The following MLLT6 variants were observed in gnomAD, a reference collection of about 807,000 sequenced individuals.
The protein encoded by MLLT6 is protein AF-17.
In MLLT6, 22 loss-of-function variants were observed where a neutral mutation model predicts 103.0. The observed-to-expected ratio is 0.21, with a 90% CI of 0.15 to 0.31. The LOEUF is 0.31. MLLT6 is among the 10% of genes least tolerant of loss of function. The pLI, the probability that MLLT6 is intolerant of heterozygous loss-of-function variation, is 1.00. For missense variants in MLLT6, 1,199 were observed against 1,441.7 expected (o/e 0.83, Z 2.73); for synonymous variants, 606 against 623.5 (o/e 0.97, Z 0.42).
At chr17:38,725,205 A>C in intron 19 of MLLT6, 1 of 530,952 alleles carries the variant, frequency 1.9e-6, no homozygotes. Context: ...ACCAATTAGA[A>C]AACAGCCTTC....
rs1904879749 is a variant in MLLT6, at chr17:38,705,759, G to A, written c.109+18G>A. 3.9e-6 allele frequency: 5 copies of A among 1,290,688 alleles called. No individual in the cohort carries two copies. The East Asian group carries it at 1.4e-4, about 37-fold the overall frequency. 80.0% of individuals were successfully genotyped at this position (1,290,688 alleles called of 1,614,324 possible). On this transcript the variant is annotated intron_variant, in intron 1 of 19. Coordinates refer to ENST00000621332, the MANE Select transcript of MLLT6 (RefSeq NM_005937.4). ...CCACCAAGGTACGGGGGTGGCCCGC[G>A]GGGGGCGGCGGGACCCCGGGGGCGG...
At chr17:38,712,118 G>A (rs1377801963) in intron 7 of MLLT6, 104 bp downstream of exon 7, 14 of 1,381,048 alleles carry the variant, frequency 1.0e-5, no homozygotes, top group Non-Finnish European at 1.2e-5. Context: ...TCTTGGCCCT[G>A]CCTTCTTCCT....
intron 12 of MLLT6, chr17:38,718,180 GCCTGGCCAA>G (rs1450762059): frequency 4.7e-6 from 2 of 428,804 alleles, no homozygotes; most frequent in Non-Finnish European, 8.2e-6. Context: ...TTTGAGACCA[GCCTGGCCAA>G]CATGGTGAAA....
chr17:38,712,291 C>A (rs1027380247), intron 7 of MLLT6, among the ~76,000 whole-genome samples: 1 of 152,196 alleles, frequency 6.6e-6, no homozygotes, highest in East Asian at 1.9e-4. Flanking sequence ...ACGTTGCACA[C>A]GTCTCCGCAG....
In MLLT6 at chr17:38,719,885, C is replaced by T. The variant is rs767863529; in HGVS notation, c.2145C>T (p.Ala715=). 36 of 1,583,130 alleles carry T rather than the reference C, an allele frequency of 2.3e-5. No homozygotes were observed. The highest frequency in any genetic ancestry group is 2.9e-5 in the Non-Finnish European group (34 of 1,165,522). Residue 715 remains alanine, a synonymous_variant, in exon 14 of 20, where the codon GCC becomes GCT. Transcript: ENST00000621332. ...QLLEKQGDGE[A]GVNIVEMLKA... Reference sequence around the variant, plus strand: ...TGGAGAAGCAGGGCGACGGGGAGGCCGGCGTCAACAGTGAGGAGGGGTGGC... The same window carrying T: ...TGGAGAAGCAGGGCGACGGGGAGGCTGGCGTCAACAGTGAGGAGGGGTGGC...
chr17:38,719,626 G>A (rs765639136), intron 13 of MLLT6, 43 bp downstream of exon 13: 7 of 1,577,648 alleles, frequency 4.4e-6, no homozygotes, highest in Non-Finnish European at 6.0e-6. Flanking sequence ...GGGGCAGGAG[G>A]GACACCCGAG....
In MLLT6 at chr17:38,728,187, C is replaced by G. The variant is rs1020992780; in HGVS notation, c.*2589C>G. The G allele has an allele frequency of 2.1e-5, 5 of 233,254 alleles. No individual in the cohort carries two copies. Among genetic ancestry groups the G allele is most frequent in the African/African-American group, 4.4e-5 (2 of 45,358 alleles). 14.4% of individuals were successfully genotyped at this position (233,254 alleles called of 1,614,324 possible). A position where few individuals can be genotyped will look rare whatever the true frequency, so the allele number is the denominator to read the frequency against. The stretch of plus-strand genomic sequence containing the variant: ...GCAGCCCTCTTCTCCTCTTCCCCCC[C>G]ACATCTCTCATGAGAGAGGTAGTGG... On this transcript the variant is annotated 3_prime_UTR_variant, in exon 20 of 20. Transcript: ENST00000621332.
chr17:38,715,222 TCTC>T (rs1390117495), intron 8 of MLLT6: 13 of 174,486 alleles, frequency 7.5e-5, no homozygotes, highest in African/African-American at 3.1e-4. Context: ...TGGGTCCTCT[TCTC>T]TGCCTCGCCA....
rs1337638488 is a variant in MLLT6 at position 38,719,913 on chromosome 17, C to T, written c.2155+18C>T. 3 of 1,554,812 alleles carry T rather than the reference C, an allele frequency of 1.9e-6. No homozygotes were observed. The highest frequency in any genetic ancestry group is 1.9e-5 in the Admixed American group (1 of 51,418). On this transcript the variant is annotated intron_variant, in intron 14 of 19. Transcript: ENST00000621332. Reference sequence around the variant, plus strand: ...CGTCAACAGTGAGGAGGGGTGGCGCCGGTCGGGACGCCTGCCCTAGGGCCC... The same window carrying T: ...CGTCAACAGTGAGGAGGGGTGGCGCTGGTCGGGACGCCTGCCCTAGGGCCC...
chr17:38,707,104 C>T, intron 2 of MLLT6, 75 bp downstream of exon 2: 1 of 1,322,990 alleles, frequency 7.6e-7, no homozygotes, highest in Admixed American at 2.0e-5. Context: ...AGCTAGGGGA[C>T]TCTGAGGCCG....
Position 38,726,678 on chromosome 17 carries a change from G to A in MLLT6, c.*1080G>A, listed in dbSNP as rs1422785993. ...CCACATGGTCTCAGGGCCCCCTTAG[G>A]GCCCCCTACCCCACTGATAGCTTCC... is the stretch of plus-strand genomic sequence containing the variant. On this transcript the variant is annotated 3_prime_UTR_variant, in exon 20 of 20. Coordinates refer to ENST00000621332, the MANE Select transcript of MLLT6 (RefSeq NM_005937.4). 4.3e-6 allele frequency: 1 copy of A among 233,458 alleles called. No homozygotes were observed. The highest frequency in any genetic ancestry group is 6.0e-5 in the East Asian group (1 of 16,592). The allele number at this position is 233,458 out of a possible 1,614,324, so 14.5% of individuals were successfully genotyped here.
At chr17:38,719,606 G>T in intron 13 of MLLT6, 23 bp downstream of exon 13, 1 of 1,592,292 alleles carries the variant, frequency 6.3e-7, no homozygotes. Flanking sequence ...GCAGCCTGGA[G>T]GAGGGGCTGG....
Position 38,724,923 on chromosome 17 carries a change from C to G in MLLT6, c.3187C>G (p.Pro1063Ala). The G allele has an allele frequency of 6.4e-7, 1 of 1,552,226 alleles. No individual in the cohort carries two copies. Among genetic ancestry groups the G allele is most frequent in the South Asian group, 1.2e-5 (1 of 84,244 alleles). Reference protein sequence around the residue: ...GPPVLTAQTNPFLSLSGAEGS... With the variant: ...GPPVLTAQTNAFLSLSGAEGS... ...TCCAGTCCTCACTGCCCAGACCAAC[C>G]CCTTCCTCAGCCTGTCGGGAGCAGA... Residue 1063 changes from proline to alanine, a missense_variant, in exon 19 of 20, where the codon CCC becomes GCC. Transcript: ENST00000621332. This position sits in a 1 kb window ranked among gnomAD's most constrained non-coding sequence, Gnocchi z 5.4.
chr17:38,708,835 T>A (rs575392449), intron 4 of MLLT6, among the ~76,000 whole-genome samples: 2 of 152,050 alleles, frequency 1.3e-5, no homozygotes, highest in African/African-American at 4.8e-5. Flanking sequence ...GCGGAGGAGG[T>A]TGCAGTGAGC....
In MLLT6 at chr17:38,720,500, C is replaced by A. The variant is rs1555623448; in HGVS notation, c.2284C>A (p.Pro762Thr). Residue 762 changes from proline (P) to threonine (T), a missense_variant, in exon 15 of 20, where the codon CCT becomes ACT. Pro to Thr is a conservative substitution (Grantham distance 38, BLOSUM62 -1). Around this residue, in one of 7 missense-constraint regions of MLLT6, gnomAD observed 1,034 missense variants for 1,091.5 expected, o/e 0.95. Coordinates refer to ENST00000621332, the MANE Select transcript of MLLT6 (RefSeq NM_005937.4). ...CAACGTGCAGCTCTCTGTGCCCTTC[C>A]CTGCCCTGCCTGCTGCCCTGCCTGC... ...ILNVQLSVPFPALPAALPAAN... is the reference protein window; with the variant it reads ...ILNVQLSVPFTALPAALPAAN... The A allele has an allele frequency of 6.2e-7, 1 of 1,612,590 alleles. No homozygotes were observed. Among genetic ancestry groups the A allele is most frequent in the Admixed American group, 1.7e-5 (1 of 59,958 alleles).
In MLLT6 at chr17:38,721,963, G is replaced by C; in HGVS notation, c.2528G>C (p.Ser843Thr). 6.6e-7 allele frequency: 1 copy of C among 1,512,796 alleles called. No homozygotes were observed. Among genetic ancestry groups the C allele is most frequent in the Non-Finnish European group, 8.8e-7 (1 of 1,134,286 alleles). The allele number at this position is 1,512,796 out of a possible 1,614,324, so 93.7% of individuals were successfully genotyped here. ...CCACCGCTGCCCCTCCTCCAGCAGA[G>C]CCCTGCCACTCTGCCCCTGGCCCTG... ...TPPPLPLLQQ[S>T]PATLPLALPG... is the part of the protein sequence containing the mutation. Residue 843 changes from serine to threonine, a missense_variant, in exon 17 of 20, where the codon AGC becomes ACC. By Grantham distance (58) the Ser-to-Thr change is moderately conservative. Coordinates refer to ENST00000621332, the MANE Select transcript of MLLT6 (RefSeq NM_005937.4).
intron 8 of MLLT6, chr17:38,713,986 G>A (rs546473067): frequency 3.9e-5 from 6 of 152,368 alleles, no homozygotes; most frequent in African/African-American, 1.4e-4. Context: ...ACGATTAACT[G>A]AATACCTGGT....
rs377617058 is a variant in MLLT6 at position 38,712,720 on chromosome 17, G to A, written c.750G>A (p.Gln250=). ...GAAAGGACAAAGAACGCCTTAAGCA[G>A]AAGCACAAGAAGCGGCCTGAGTCGC... is the stretch of plus-strand genomic sequence containing the variant. ...KSRKDKERLK[Q]KHKKRPESPP... Residue 250 remains glutamine, a synonymous_variant, in exon 8 of 20, where the codon CAG becomes CAA. Coordinates refer to ENST00000621332, the MANE Select transcript of MLLT6 (RefSeq NM_005937.4). The A allele has an allele frequency of 1.9e-6, 3 of 1,613,946 alleles. No homozygotes were observed. The highest frequency in any genetic ancestry group is 2.5e-6 in the Non-Finnish European group (3 of 1,179,856).
At chr17:38,707,144 C>A in intron 2 of MLLT6, 115 bp downstream of exon 2, 1 of 834,912 alleles carries the variant, frequency 1.2e-6, no homozygotes, top group Non-Finnish European at 1.9e-6. Flanking sequence ...CTCTGTCACA[C>A]AGACTTCCTG....
Sources: gnomAD v4.1 joint callset for allele counts (sites outside exome capture counted in the v4.1 genomes callset) on GRCh38, gnomAD v4.1.1 for gene constraint, gnomAD v4.1.1 regional missense constraint, Gnocchi (gnomAD v3.1) non-coding constraint, MANE v1.5 for transcripts, NCBI Gene and HGNC (gene_info 2026-07-23, HGNC 2026-07-21) for gene names.